The following ASCC3 variants were observed in gnomAD, a reference collection of about 807,000 sequenced individuals.
ASCC3 encodes ASC-1 complex subunit P200.
Under a neutral mutation model 256.3 loss-of-function variants are expected in ASCC3, and 158 were observed. The observed-to-expected ratio is 0.62, with a 90% confidence interval of 0.54 to 0.70. ASCC3 has a LOEUF of 0.70. Ranked by LOEUF, ASCC3 falls within the 30% of genes least tolerant of loss-of-function variation. The probability of loss-of-function intolerance (pLI) is 0.00; values close to 1 mark genes in which losing one functional copy is unlikely to be tolerated. For missense variants in ASCC3, 2,259 were observed against 2,626.0 expected (o/e 0.86, Z 3.05); for synonymous variants, 948 against 883.4 (o/e 1.07, Z -1.30).
chr6:100,800,607 T>A, intron 5 of ASCC3, 103 bp from the exon 6 acceptor site: 1 of 829,994 alleles, frequency 1.2e-6, no homozygotes. Flanking sequence ...ATAATGCTCT[T>A]ACAATTCATT....
chr6:100,783,946 T>G lies in ASCC3; in HGVS notation c.1395+14767A>C, dbSNP rs181961576. On this transcript the variant is annotated intron_variant, in intron 8 of 41. Transcript: ENST00000369162. ...GCGGTAGGTCTTTTTATCGTCCTTC[T>G]TTTAAAGAGGGGGGAAGTAGGGCAT... Among the ~76,000 whole-genome samples the G allele has an allele frequency of 2.1e-3, 323 of 152,260 alleles. 2 individuals are homozygous for G. Among genetic ancestry groups the G allele is most frequent in the South Asian group, 0.011 (53 of 4,832 alleles).
intron 10 of ASCC3, among the ~76,000 whole-genome samples, chr6:100,762,504 A>G (rs765932841): frequency 1.3e-5 from 2 of 152,232 alleles, no homozygotes; most frequent in African/African-American, 2.4e-5. Flanking sequence ...TAAGGTTGGA[A>G]AAGTAGATAA....
rs1777186126 is a variant in ASCC3 at position 100,679,564 on chromosome 6, C to T, written c.2286+54G>A. ...CCGTGGATCTTTCACATATAAAATA[C>T]CCGGGATATGTGGCATGTTACATGC... is the stretch of plus-strand genomic sequence containing the variant. On this transcript the variant is annotated intron_variant, in intron 14 of 41. Coordinates refer to ENST00000369162, the MANE Select transcript of ASCC3 (RefSeq NM_006828.4). The T allele has an allele frequency of 4.4e-6, 7 of 1,607,884 alleles. No individual in the cohort carries two copies. In the Admixed American group the frequency reaches 5.0e-5, roughly 11 times the overall value.
At chr6:100,759,314 A>G (rs1361792387) in intron 10 of ASCC3, among the ~76,000 whole-genome samples, 2 of 152,180 alleles carry the variant, frequency 1.3e-5, no homozygotes, top group African/African-American at 2.4e-5. Flanking sequence ...GTCTTTGCCC[A>G]TGCCTATGTC....
At chr6:100,605,806 A>G in intron 32 of ASCC3, 106 bp from the exon 33 acceptor site, 1 of 1,285,834 alleles carries the variant, frequency 7.8e-7, no homozygotes. Flanking sequence ...CAAAAGAAAT[A>G]GAATATTGTG....
chr6:100,608,088 ATC>A (rs1327262644), intron 30 of ASCC3, among the ~76,000 whole-genome samples: 8 of 100,420 alleles, frequency 8.0e-5, no homozygotes, highest in African/African-American at 2.9e-4. Flanking sequence ...ATGTATATAT[ATC>A]TATATACACA....
chr6:100,644,155 C>G, intron 22 of ASCC3, 26 bp from the exon 23 acceptor site: 1 of 1,453,368 alleles, frequency 6.9e-7, no homozygotes, highest in Non-Finnish European at 9.7e-7. Flanking sequence ...CATCCTGCTA[C>G]TATGCATATC....
At chr6:100,605,517 A>G in intron 33 of ASCC3, 51 bp downstream of exon 33, 1 of 1,346,072 alleles carries the variant, frequency 7.4e-7, no homozygotes, top group Non-Finnish European at 1.0e-6. Flanking sequence ...CCAGAAAAAC[A>G]CCAACTTGTG....
chr6:100,682,085 G>T (rs369965344), intron 13 of ASCC3, among the ~76,000 whole-genome samples: 1 of 151,992 alleles, frequency 6.6e-6, no homozygotes, highest in Non-Finnish European at 1.5e-5. Context: ...CATTTCCATT[G>T]TAAGTTTCTT....
intron 39 of ASCC3, 92 bp downstream of exon 39, chr6:100,516,088 C>G: frequency 6.7e-7 from 1 of 1,496,738 alleles, no homozygotes; most frequent in Non-Finnish European, 9.3e-7. Flanking sequence ...CAAGGTGAGC[C>G]TGGTTCCAAA....
chr6:100,857,241 T>A (rs533056547), intron 3 of ASCC3: 1 of 152,262 alleles, frequency 6.6e-6, no homozygotes, highest in Non-Finnish European at 1.5e-5. Context: ...CATGTTCATA[T>A]AGGATTATCT....
intron 4 of ASCC3, among the ~76,000 whole-genome samples, chr6:100,842,402 CATT>C (rs1772186215): frequency 6.6e-6 from 1 of 152,098 alleles, no homozygotes; most frequent in Non-Finnish European, 1.5e-5. Context: ...CATACTAAAA[CATT>C]ATTTAACTTT....
At chr6:100,706,779 G>C (rs1238545606) in intron 13 of ASCC3, among the ~76,000 whole-genome samples, 3 of 152,036 alleles carry the variant, frequency 2.0e-5, no homozygotes, top group Admixed American at 1.3e-4. Flanking sequence ...CTGATACAGA[G>C]AGAGATTTCA....
At chr6:100,567,340 C>T (rs2114716772) in intron 36 of ASCC3, among the ~76,000 whole-genome samples, 1 of 152,220 alleles carries the variant, frequency 6.6e-6, no homozygotes, top group African/African-American at 2.4e-5. Context: ...GGATGGCATT[C>T]CATGACTAGA....
At chr6:100,699,456 C>CT (rs925379710) in intron 13 of ASCC3, among the ~76,000 whole-genome samples, 9 of 152,222 alleles carry the variant, frequency 5.9e-5, no homozygotes, top group East Asian at 1.9e-4. Context: ...TGTGAAACCT[C>CT]TTTTTTTGTA....
chr6:100,551,971 G>C (rs1769324144), intron 36 of ASCC3, among the ~76,000 whole-genome samples: 1 of 151,758 alleles, frequency 6.6e-6, no homozygotes, highest in Admixed American at 6.6e-5. Flanking sequence ...TGATACAATA[G>C]GTGATCTTCA....
intron 10 of ASCC3, among the ~76,000 whole-genome samples, chr6:100,735,456 ATTTT>A (rs10549867): frequency 3.8e-4 from 58 of 151,098 alleles, no homozygotes; most frequent in East Asian, 1.4e-3. Context: ...TTAACATCTT[ATTTT>A]TTTTTTTTTG....
Position 100,511,926 on chromosome 6 carries a change from T to C in ASCC3, c.6285+783A>G, listed in dbSNP as rs149599609. On this transcript the variant is annotated intron_variant, in intron 40 of 41. Transcript: ENST00000369162. ...GAACTACAGCTTCACCCCTGAGGGCTTATTCTAGATATGGGAAAGCCCTGA... is the reference window on the plus strand; with the variant it reads ...GAACTACAGCTTCACCCCTGAGGGCCTATTCTAGATATGGGAAAGCCCTGA... Among the ~76,000 whole-genome samples, 4 of 152,266 alleles carry C rather than the reference T, an allele frequency of 2.6e-5. No individual in the cohort carries two copies. In the East Asian group the frequency reaches 7.7e-4, roughly 29 times the overall value.
At chr6:100,870,211 AAATGCATTTTT>A (rs1012284051) in intron 1 of ASCC3, among the ~76,000 whole-genome samples, 9 of 75,174 alleles carry the variant, frequency 1.2e-4, no homozygotes, top group East Asian at 4.6e-4. Flanking sequence ...ATATTTTTAA[AAATGCATTTTT>A]AATGCATTTT....
Sources: gnomAD v4.1 joint callset for allele counts (sites outside exome capture counted in the v4.1 genomes callset) on GRCh38, gnomAD v4.1.1 for gene constraint, MANE v1.5 for transcripts, NCBI Gene and HGNC (gene_info 2026-07-23, HGNC 2026-07-21) for gene names.